The following CHAF1B variants were observed in gnomAD, a reference collection of about 807,000 sequenced individuals.
CHAF1B encodes CAF-1 subunit B.
A neutral mutation model predicts 60.7 loss-of-function variants in CHAF1B; 10 were observed. The ratio of observed to expected loss-of-function variants is 0.16; its 90% CI spans 0.10 to 0.28. The LOEUF is 0.28. CHAF1B is among the 10% of genes least tolerant of loss of function. CHAF1B has a pLI of 1.00. For synonymous variants in CHAF1B, 261 were observed against 266.1 expected (o/e 0.98, Z 0.19); for missense variants, 558 against 708.4 (o/e 0.79, Z 2.41).
intron 12 of CHAF1B, among the ~76,000 whole-genome samples, chr21:36,414,072 G>A (rs913107978): frequency 6.0e-5 from 9 of 149,248 alleles, no homozygotes; most frequent in South Asian, 4.7e-4. Flanking sequence ...TGGCACGCAC[G>A]CCTGTGTCTG....
intron 3 of CHAF1B, among the ~76,000 whole-genome samples, chr21:36,389,800 T>TTTGTGCGCGCGCGCGC (rs1555911824): frequency 1.5e-4 from 19 of 124,746 alleles, no homozygotes; most frequent in African/African-American, 6.7e-4. Context: ...TGTGTGTGTG[T>TTTGTGCGCGCGCGCGC]GCGCGCGCAC....
chr21:36,385,652 C>T (rs1040782628), intron 1 of CHAF1B, among the ~76,000 whole-genome samples: 3 of 151,830 alleles, frequency 2.0e-5, no homozygotes, highest in African/African-American at 4.8e-5. Context: ...GCCCAGCGCC[C>T]GGTCCCTGGG....
At chr21:36,405,296 G>C (rs958568685) in intron 8 of CHAF1B, among the ~76,000 whole-genome samples, 1 of 152,072 alleles carries the variant, frequency 6.6e-6, no homozygotes, top group Non-Finnish European at 1.5e-5. Flanking sequence ...TGATAAGATG[G>C]CTGGATATTA....
At chr21:36,389,759 A>ATATGTGTGTGTGTGTGTG (rs1491586590) in intron 3 of CHAF1B, among the ~76,000 whole-genome samples, 3 of 125,808 alleles carry the variant, frequency 2.4e-5, no homozygotes, top group Admixed American at 7.8e-5. Context: ...GCATGAAGGG[A>ATATGTGTGTGTGTGTGTG]TGTGTGTGTG....
chr21:36,386,514 G>A (rs2086035989), intron 2 of CHAF1B, among the ~76,000 whole-genome samples: 1 of 152,092 alleles, frequency 6.6e-6, no homozygotes, highest in South Asian at 2.1e-4. Flanking sequence ...TGAAGTGAGA[G>A]GATCGCTTGA....
At chr21:36,397,543 T>C in intron 6 of CHAF1B, 32 bp downstream of exon 6, 1 of 1,229,940 alleles carries the variant, frequency 8.1e-7, no homozygotes, top group Middle Eastern at 2.0e-4. Context: ...ACTTGGAATT[T>C]CTTTGTATTT....
chr21:36,397,423 A>G lies in CHAF1B; in HGVS notation c.490A>G (p.Ile164Val), dbSNP rs781456490. 9.1e-6 allele frequency: 14 copies of G among 1,541,462 alleles called. No individual in the cohort carries two copies. Among genetic ancestry groups the G allele is most frequent in the South Asian group, 1.2e-5 (1 of 82,034 alleles). ...GTGTGTTTTTTTTGTAGGACAAAAG[A>G]TATCAATTTTTAATGAACATAAAAG... is the stretch of plus-strand genomic sequence containing the variant. ...IIWDVSKGQK[I>V]SIFNEHKSYV... Residue 164 changes from isoleucine to valine, a missense_variant, in exon 6 of 14, where the codon ATA (isoleucine) becomes GTA (valine). Coordinates refer to ENST00000314103, the MANE Select transcript of CHAF1B (RefSeq NM_005441.3).
At position 36,418,869 on chromosome 21, in the gene CHAF1B, AAAG is replaced by A. The variant is rs1363095898; in HGVS notation, c.*2509_*2511del. On this transcript the variant is annotated 3_prime_UTR_variant, in exon 14 of 14. Coordinates refer to ENST00000314103, the MANE Select transcript of CHAF1B (RefSeq NM_005441.3). ...GTCTCAAAAAAAAAAAAAAAGAGAAAAAGAAGAACAGTATTAGGTTTTACAAAT... is the reference window on the plus strand; with the variant it reads ...GTCTCAAAAAAAAAAAAAAAGAGAAAAAGAACAGTATTAGGTTTTACAAAT... The A allele has an allele frequency of 1.3e-5, 2 of 152,220 alleles. No homozygotes were observed. The highest frequency in any genetic ancestry group is 4.1e-4 in the South Asian group (2 of 4,828). 9.4% of individuals were successfully genotyped at this position (152,220 alleles called of 1,614,324 possible). A position where few individuals can be genotyped will look rare whatever the true frequency, so the allele number is the denominator to read the frequency against.
intron 3 of CHAF1B, chr21:36,389,127 CT>C (rs2086061314): frequency 6.5e-6 from 1 of 152,908 alleles, no homozygotes; most frequent in Non-Finnish European, 1.5e-5. Flanking sequence ...CCATTCCCTG[CT>C]GTGACTGATG....
At chr21:36,411,875 C>G (rs567841627) in intron 11 of CHAF1B, among the ~76,000 whole-genome samples, 1 of 152,032 alleles carries the variant, frequency 6.6e-6, no homozygotes, top group Non-Finnish European at 1.5e-5. Flanking sequence ...ATTACAGGTG[C>G]GCACCACTAC....
chr21:36,387,775 T>C (rs1569118986), intron 3 of CHAF1B, 45 bp downstream of exon 3: 4 of 1,603,616 alleles, frequency 2.5e-6, no homozygotes. Flanking sequence ...ACCAGATAGA[T>C]ACCTGTGTGT....
rs1252621972 is a variant in CHAF1B, at chr21:36,413,254, G to A, written c.1432G>A (p.Ala478Thr). 3.1e-6 allele frequency: 5 copies of A among 1,613,602 alleles called. No homozygotes were observed. The highest frequency in any genetic ancestry group is 3.4e-6 in the Non-Finnish European group (4 of 1,179,934). Residue 478 changes from alanine (A) to threonine (T), a missense_variant, in exon 12 of 14, where the codon GCC becomes ACC. Physicochemically the swap from Ala to Thr is moderately conservative, Grantham distance 58. Transcript: ENST00000314103. ...GCAGCCCAGTAGTCAAAACACAAAAGCCCACCCATCCCGGAGGGTCACTCT... is the reference window on the plus strand; with the variant it reads ...GCAGCCCAGTAGTCAAAACACAAAAACCCACCCATCCCGGAGGGTCACTCT... ...TLQPSSQNTK[A>T]HPSRRVTLNT...
At chr21:36,400,194 A>G (rs991214602) in intron 7 of CHAF1B, among the ~76,000 whole-genome samples, 2 of 151,512 alleles carry the variant, frequency 1.3e-5, no homozygotes, top group African/African-American at 4.9e-5. Context: ...ATAAAATGAA[A>G]TAAGGCTGGG....
At chr21:36,413,896 A>G (rs1224904253) in intron 12 of CHAF1B, among the ~76,000 whole-genome samples, 2 of 151,860 alleles carry the variant, frequency 1.3e-5, no homozygotes, top group Admixed American at 6.6e-5. Flanking sequence ...CCCATTTTTT[A>G]TTTATGCTGT....
chr21:36,411,645 G>A (rs184991974), intron 11 of CHAF1B, 41 bp downstream of exon 11: 12 of 1,609,012 alleles, frequency 7.5e-6, no homozygotes, highest in South Asian at 5.5e-5. Context: ...GAAGGAGACC[G>A]TGGCTGTATC....
intron 4 of CHAF1B, among the ~76,000 whole-genome samples, chr21:36,394,022 C>T (rs2086116410): frequency 6.6e-6 from 1 of 151,844 alleles, no homozygotes; most frequent in Non-Finnish European, 1.5e-5. Flanking sequence ...GCCTCAGCCC[C>T]CAAGTAGCAG....
chr21:36,414,566 T>C (rs1049261552), intron 12 of CHAF1B, among the ~76,000 whole-genome samples: 4 of 152,224 alleles, frequency 2.6e-5, no homozygotes, highest in Admixed American at 1.3e-4. Flanking sequence ...ATGTAATCTT[T>C]TGCAAACAAG....
intron 4 of CHAF1B, among the ~76,000 whole-genome samples, chr21:36,392,920 A>G (rs1177059354): frequency 6.6e-6 from 1 of 152,208 alleles, no homozygotes; most frequent in Non-Finnish European, 1.5e-5. Flanking sequence ...AGCCTGGGCA[A>G]CATTGAGCAC....
chr21:36,407,224 C>G (rs998598868), intron 8 of CHAF1B, among the ~76,000 whole-genome samples: 2 of 151,796 alleles, frequency 1.3e-5, no homozygotes, highest in Admixed American at 1.3e-4. Context: ...ATCGCTCCAA[C>G]CCAGGAGGCA....
Sources: allele counts gnomAD v4.1 joint callset (sites outside exome capture counted in the v4.1 genomes callset), GRCh38; gene constraint gnomAD v4.1.1; transcripts MANE v1.5; gene names NCBI Gene and HGNC (gene_info 2026-07-23, HGNC 2026-07-21).